OBP2A: variants seen among roughly 807,000 people sequenced by gnomAD.
OBP2A encodes odorant-binding protein 2a.
OBP2A carries 15 observed loss-of-function variants against 21.9 expected under a neutral mutation model. That is an observed-to-expected ratio of 0.69 (90% confidence interval 0.46 to 1.06). The LOEUF is 1.06. Among genes scored for constraint, OBP2A ranks in the 50% least tolerant of loss-of-function variants. OBP2A has a pLI of 0.00. For synonymous variants in OBP2A, 86 were observed against 91.8 expected (o/e 0.94, Z 0.36); for missense variants, 192 against 220.1 (o/e 0.87, Z 0.81).
intron 6 of OBP2A, 115 bp from the exon 7 acceptor site, chr9:135,549,722 G>C: frequency 1.5e-6 from 1 of 649,780 alleles, no homozygotes; most frequent in Admixed American, 3.2e-5. Context: ...CTGGAGCCCC[G>C]AGGCTGCCCA....
chr9:135,549,070 C>T lies in OBP2A; in HGVS notation c.491-238C>T, dbSNP rs28366582. Among the ~76,000 whole-genome samples the T allele has an allele frequency of 4.8e-3, 166 of 34,644 alleles. 1 individual carries two copies. The highest frequency in any genetic ancestry group is 0.015 in the African/African-American group (133 of 8,638). The allele number at this position is 34,644 out of a possible 152,430, so 22.7% of individuals were successfully genotyped here. A position where few individuals can be genotyped will look rare whatever the true frequency, so the allele number is the denominator to read the frequency against. On this transcript the variant is annotated intron_variant, in intron 5 of 6. Coordinates refer to ENST00000371776, the MANE Select transcript of OBP2A (RefSeq NM_014582.3). ...TGGGCTGCGATGGGGTCTGGGGCTC[C>T]GCGCTCTGGGCTGCGATGGGGTCTG...
rs1200795398 is a variant in OBP2A at position 135,546,836 on chromosome 9, G to C, written c.131G>C (p.Arg44Thr). 3 of 1,613,612 alleles carry C rather than the reference G, an allele frequency of 1.9e-6. No individual in the cohort carries two copies. The highest frequency in any genetic ancestry group is 2.5e-6 in the Non-Finnish European group (3 of 1,179,678). Residue 44 changes from arginine (R) to threonine (T), a missense_variant, in exon 2 of 7, where the codon AGG (arginine) becomes ACG (threonine). Arg to Thr is a moderately conservative substitution (Grantham distance 71, BLOSUM62 -1). Coordinates refer to ENST00000371776, the MANE Select transcript of OBP2A (RefSeq NM_014582.3). ...GTCGATAAGGACTTTCCGGAGGACA[G>C]GAGGCCCAGGAAGGTGTCCCCAGTG... ...MVVDKDFPED[R>T]RPRKVSPVKV...
rs141545384 is a variant in OBP2A at position 135,547,899 on chromosome 9, G to A, written c.306G>A (p.Gln102=). The part of the protein sequence containing the change: ...AYGGRKLIYL[Q]ELPGTDDYVF... ...GGGGCAGGAAGCTCATATACCTGCA[G>A]GAGCTGCCCGGGACGGACGACTACG... Residue 102 remains glutamine, a synonymous_variant, in exon 4 of 7, where the codon CAG becomes CAA. Transcript: ENST00000371776. The A allele has an allele frequency of 1.2e-6, 2 of 1,612,800 alleles. No homozygotes were observed. The highest frequency in any genetic ancestry group is 1.7e-6 in the Non-Finnish European group (2 of 1,179,516).
At chr9:135,548,866 G>C (rs1212236655) in intron 5 of OBP2A, 57 bp downstream of exon 5, 1 of 1,577,974 alleles carries the variant, frequency 6.3e-7, no homozygotes, top group African/African-American at 1.3e-5. Flanking sequence ...GTGATCTCCA[G>C]TGTCCCATGA....
intron 1 of OBP2A, 69 bp from the exon 2 acceptor site, chr9:135,546,709 G>T (rs1025803151): frequency 1.4e-5 from 22 of 1,538,290 alleles, no homozygotes; most frequent in Non-Finnish European, 1.8e-5. Context: ...ATAGCTGCAG[G>T]CCTGAGTGCC....
Position 135,547,507 on chromosome 9 carries a change from G to A in OBP2A, c.277+259G>A, listed in dbSNP as rs115443907. Among the ~76,000 whole-genome samples the A allele has an allele frequency of 5.4e-3, 817 of 152,336 alleles. 8 individuals are homozygous for A. Among genetic ancestry groups the A allele is most frequent in the African/African-American group, 0.019 (772 of 41,578 alleles). On this transcript the variant is annotated intron_variant, in intron 3 of 6. Coordinates refer to ENST00000371776, the MANE Select transcript of OBP2A (RefSeq NM_014582.3). ...TAGCCATTGACACATTGAGGAATCC[G>A]AGTGTTAGGGACCAGGAGGCCGAGG... is the stretch of plus-strand genomic sequence containing the variant.
At chr9:135,548,555 C>T in intron 4 of OBP2A, 153 bp from the exon 5 acceptor site, 9 of 1,100,420 alleles carry the variant, frequency 8.2e-6, no homozygotes, top group Non-Finnish European at 1.2e-5. Context: ...GTTGCCATCT[C>T]TTCTGTCCCC....
At chr9:135,546,435 G>A (rs1831932562) in intron 1 of OBP2A, among the ~76,000 whole-genome samples, 183 bp downstream of exon 1, 1 of 150,530 alleles carries the variant, frequency 6.6e-6, no homozygotes. Flanking sequence ...CGAGGCCCAG[G>A]GCCGGAGCAG....
chr9:135,547,040 C>T lies in OBP2A; in HGVS notation c.206+129C>T, dbSNP rs1268965783. 18 of 1,491,800 alleles carry T rather than the reference C, an allele frequency of 1.2e-5. 1 individual carries two copies. The East Asian group carries it at 2.5e-4, about 21-fold the overall frequency. 92.4% of individuals were successfully genotyped at this position (1,491,800 alleles called of 1,614,324 possible). A position where few individuals can be genotyped will look rare whatever the true frequency, so the allele number is the denominator to read the frequency against. ...CACCCCCTGCCTTGGAGGGAAACAG[C>T]CAGGACATCCTGAAGCTCGGTGGGG... On this transcript the variant is annotated intron_variant, in intron 2 of 6. Transcript: ENST00000371776.
At chr9:135,547,150 C>T (rs1194799160) in intron 2 of OBP2A, 28 bp from the exon 3 acceptor site, 9 of 1,602,358 alleles carry the variant, frequency 5.6e-6, no homozygotes, top group South Asian at 1.1e-5. Flanking sequence ...TCCTGGGAGC[C>T]GCTGCCCGAG....
At chr9:135,549,573 C>A in intron 6 of OBP2A, 1 of 597,422 alleles carries the variant, frequency 1.7e-6, no homozygotes, top group South Asian at 2.1e-5. Flanking sequence ...CTTTCCACAG[C>A]GAGGCCTCCC....
At chr9:135,548,959 C>A in intron 5 of OBP2A, 150 bp downstream of exon 5, 1 of 974,736 alleles carries the variant, frequency 1.0e-6, no homozygotes, top group Non-Finnish European at 1.6e-6. Flanking sequence ...TTAGCATCCT[C>A]GTCGTTGGAG....
chr9:135,546,230 C>T lies in OBP2A; in HGVS notation c.50C>T (p.Ser17Phe), dbSNP rs146174738. The T allele has an allele frequency of 1.5e-3, 2,297 of 1,517,294 alleles. 116 individuals are homozygous for T. The South Asian group carries it at 0.018, about 12-fold the overall frequency. The allele number at this position is 1,517,294 out of a possible 1,614,324, so 94.0% of individuals were successfully genotyped here. ...ACGCTCGGCCTGGCCGCTGCCCTGT[C>T]CTTCACCCTGGAGGAGGAGGATGTG... ...GVTLGLAAAL[S>F]FTLEEEDITG... Residue 17 changes from serine to phenylalanine, a missense_variant, in exon 1 of 7, where the codon TCC becomes TTC. Ser to Phe is a radical substitution (Grantham distance 155). Coordinates refer to ENST00000371776, the MANE Select transcript of OBP2A (RefSeq NM_014582.3).
In OBP2A at chr9:135,548,143, GT is replaced by G. The variant is rs1487101612; in HGVS notation, c.388+164del. ...GCGCTGCCCTGGATGGCTGGTCCAA[GT>G]TCCTGAAGTGGGAGTGGGGTGGGCC... On this transcript the variant is annotated intron_variant, in intron 4 of 6. Coordinates refer to ENST00000371776, the MANE Select transcript of OBP2A (RefSeq NM_014582.3). Among the ~76,000 whole-genome samples, 3 of 152,352 alleles carry G rather than the reference GT, an allele frequency of 2.0e-5. No individual in the cohort carries two copies. The East Asian group carries it at 5.8e-4, about 29-fold the overall frequency.
chr9:135,549,199 G>A lies in OBP2A; in HGVS notation c.491-109G>A, dbSNP rs113233133. 29 of 640,736 alleles carry A rather than the reference G, an allele frequency of 4.5e-5. 3 individuals are homozygous for A. The highest frequency in any genetic ancestry group is 6.6e-5 in the African/African-American group (3 of 45,486). The allele number at this position is 640,736 out of a possible 1,614,324, so 39.7% of individuals were successfully genotyped here. A position where few individuals can be genotyped will look rare whatever the true frequency, so the allele number is the denominator to read the frequency against. On this transcript the variant is annotated intron_variant, in intron 5 of 6. Coordinates refer to ENST00000371776, the MANE Select transcript of OBP2A (RefSeq NM_014582.3). ...GGGCTGCGATGGGGTCTGGGGCTCC[G>A]CGCTCTGGGCTGCGATGGGGTCTGG...
At chr9:135,547,473 G>A (rs1588162894) in intron 3 of OBP2A, among the ~76,000 whole-genome samples, 1 of 152,206 alleles carries the variant, frequency 6.6e-6, no homozygotes. Flanking sequence ...CCTGCCCTCT[G>A]GGAGGCCCTA....
At chr9:135,548,628 G>A (rs1832019768) in intron 4 of OBP2A, 80 bp from the exon 5 acceptor site, 1 of 1,595,794 alleles carries the variant, frequency 6.3e-7, no homozygotes, top group Admixed American at 1.7e-5. Flanking sequence ...CTGGGCCGTG[G>A]TCGTCTCCTT....
At position 135,549,084 on chromosome 9, in the gene OBP2A, C is replaced by T. The variant is rs1228940523; in HGVS notation, c.491-224C>T. Among the ~76,000 whole-genome samples, 31 of 17,696 alleles carry T rather than the reference C, an allele frequency of 1.8e-3. 2 individuals are homozygous for T. The highest frequency in any genetic ancestry group is 7.9e-3 in the African/African-American group (31 of 3,944). The allele number at this position is 17,696 out of a possible 152,430, so 11.6% of individuals were successfully genotyped here. On this transcript the variant is annotated intron_variant, in intron 5 of 6. Coordinates refer to ENST00000371776, the MANE Select transcript of OBP2A (RefSeq NM_014582.3). ...GTCTGGGGCTCCGCGCTCTGGGCTG[C>T]GATGGGGTCTGGGGCTCCGCGCTCT... is the stretch of plus-strand genomic sequence containing the variant.
Position 135,547,973 on chromosome 9 carries a change from A to G in OBP2A, c.380A>G (p.Lys127Arg). The change falls in exon 4 of 7, where the codon AAG becomes AGG. Residue 127 changes from lysine to arginine, a missense_variant. Transcript: ENST00000371776. ...CGTGGGGGCCTGCGCTACATGGGAA[A>G]GCTTGTGGGTGAGGGGCCCGCTGGG... ...QRRGGLRYMG[K>R]LVGRNPNTNL... 6.2e-7 allele frequency: 1 copy of G among 1,606,368 alleles called. No homozygotes were observed. The highest frequency in any genetic ancestry group is 8.5e-7 in the Non-Finnish European group (1 of 1,176,192).
Sources: gnomAD v4.1 joint callset for allele counts (sites outside exome capture counted in the v4.1 genomes callset) on GRCh38, gnomAD v4.1.1 for gene constraint, MANE v1.5 for transcripts, NCBI Gene and HGNC (gene_info 2026-07-23, HGNC 2026-07-21) for gene names.